Variants in FMN2 observed in about 807,000 individuals in gnomAD.
FMN2 encodes the protein formin-2.
Under a neutral mutation model 142.3 loss-of-function variants are expected in FMN2, and 51 were observed. The ratio of observed to expected loss-of-function variants is 0.36; its 90% CI spans 0.29 to 0.45. FMN2 has a LOEUF of 0.45. Among genes scored for constraint, FMN2 ranks in the 20% least tolerant of loss-of-function variants. The probability of loss-of-function intolerance (pLI) is 1.00; values close to 1 mark genes in which losing one functional copy is unlikely to be tolerated. For synonymous variants in FMN2, 882 were observed against 869.8 expected (o/e 1.01, Z -0.25); for missense variants, 1,936 against 2,122.8 (o/e 0.91, Z 1.73).
intron 4 of FMN2, among the ~76,000 whole-genome samples, chr1:240,195,450 A>G (rs943716184): frequency 2.1e-4 from 32 of 152,256 alleles, no homozygotes; most frequent in African/African-American, 7.7e-4. Flanking sequence ...TGGCAAAAAC[A>G]CATGTCAGAT....
chr1:240,213,483 C>T (rs947471787), intron 6 of FMN2, among the ~76,000 whole-genome samples: 1 of 152,186 alleles, frequency 6.6e-6, no homozygotes, highest in Non-Finnish European at 1.5e-5. Flanking sequence ...TTTTATTTAA[C>T]TTCATTGTAT....
chr1:240,333,857 A>G, intron 11 of FMN2, 30 bp from the exon 12 acceptor site: 4 of 1,549,994 alleles, frequency 2.6e-6, no homozygotes, highest in Admixed American at 1.9e-5. Flanking sequence ...TAAAAAATAT[A>G]TTGTCACTGA....
intron 1 of FMN2, among the ~76,000 whole-genome samples, chr1:240,104,070 A>G (rs1014639937): frequency 3.3e-5 from 5 of 151,100 alleles, no homozygotes; most frequent in African/African-American, 7.3e-5. Context: ...AGTAGAGACG[A>G]GGTTTCACCG....
chr1:240,451,536 T>C (rs1676045263), intron 16 of FMN2, among the ~76,000 whole-genome samples: 1 of 152,004 alleles, frequency 6.6e-6, no homozygotes, highest in Admixed American at 6.6e-5. Flanking sequence ...AATGAGATGA[T>C]TGGCGTGTTC....
intron 14 of FMN2, among the ~76,000 whole-genome samples, chr1:240,381,472 C>CTGG (rs1249966148): frequency 7.9e-5 from 12 of 152,182 alleles, no homozygotes; most frequent in Non-Finnish European, 1.3e-4. Context: ...CTCTGTCACC[C>CTGG]AGGCTGGAGT....
intron 6 of FMN2, among the ~76,000 whole-genome samples, chr1:240,235,380 C>T (rs1667668576): frequency 6.6e-6 from 1 of 151,430 alleles, no homozygotes; most frequent in South Asian, 2.1e-4. Flanking sequence ...TTATTTGGAT[C>T]AGATTTTGAT....
intron 5 of FMN2, among the ~76,000 whole-genome samples, chr1:240,209,379 T>G (rs1666588963): frequency 6.6e-6 from 1 of 151,048 alleles, no homozygotes; most frequent in African/African-American, 2.4e-5. Context: ...GCCTCCCGAG[T>G]AGCTGGGACT....
intron 14 of FMN2, among the ~76,000 whole-genome samples, chr1:240,376,984 TGTC>T (rs1673069098): frequency 6.6e-6 from 1 of 152,192 alleles, no homozygotes; most frequent in Non-Finnish European, 1.5e-5. Flanking sequence ...GTGCTATTGT[TGTC>T]ATATATTTTA....
chr1:240,280,694 A>T (rs1050180934), intron 7 of FMN2, among the ~76,000 whole-genome samples: 3 of 152,168 alleles, frequency 2.0e-5, no homozygotes, highest in African/African-American at 7.2e-5. Context: ...CATAAAGTAC[A>T]GTGCGTTGTT....
intron 14 of FMN2, among the ~76,000 whole-genome samples, chr1:240,358,701 C>T (rs1287429888): frequency 6.6e-6 from 1 of 152,118 alleles, no homozygotes; most frequent in Middle Eastern, 3.2e-3. Flanking sequence ...CACTCCCTAT[C>T]ATAAGAACGG....
At chr1:240,431,402 TTATA>T (rs35500291) in intron 15 of FMN2, among the ~76,000 whole-genome samples, 44 of 138,972 alleles carry the variant, frequency 3.2e-4, no homozygotes, top group South Asian at 6.6e-4. Context: ...CAACCATGTT[TTATA>T]TATATATATA....
rs142232671 is a variant in FMN2, at chr1:240,263,079, C to T, written c.4153+5047C>T. On this transcript the variant is annotated intron_variant, in intron 7 of 17. Coordinates refer to ENST00000319653, the MANE Select transcript of FMN2 (RefSeq NM_020066.5). ...CATCCCCAAGAACTTTTCAGATAAGCTAGTAGTATTGTCACCCTACTACCA... is the reference window on the plus strand; with the variant it reads ...CATCCCCAAGAACTTTTCAGATAAGTTAGTAGTATTGTCACCCTACTACCA... 3.1e-3 allele frequency among the ~76,000 whole-genome samples: 479 copies of T among 152,256 alleles called. 3 individuals carry two copies. The highest frequency in any genetic ancestry group is 9.3e-3 in the African/African-American group (385 of 41,544).
rs1672711949 is a variant in FMN2, at chr1:240,367,496, GCAGT to G, written c.4858+11589_4858+11592del. Among the ~76,000 whole-genome samples the G allele has an allele frequency of 2.6e-5, 4 of 152,112 alleles. No individual in the cohort carries two copies. The South Asian group carries it at 8.3e-4, about 32-fold the overall frequency. On this transcript the variant is annotated intron_variant, in intron 14 of 17. Coordinates refer to ENST00000319653, the MANE Select transcript of FMN2 (RefSeq NM_020066.5). ...CCTTATTTAAGAAATCCGGCGGGGG[GCAGT>G]GGCTCACGCCTGTAATCCCAGCACT...
intron 4 of FMN2, among the ~76,000 whole-genome samples, chr1:240,195,366 C>G (rs180751672): frequency 2.0e-5 from 3 of 152,120 alleles, no homozygotes; most frequent in Admixed American, 2.0e-4. Context: ...TTTTACTGTT[C>G]GAAATTGCCT....
intron 6 of FMN2, among the ~76,000 whole-genome samples, chr1:240,253,921 C>T (rs949048702): frequency 3.9e-5 from 6 of 152,018 alleles, no homozygotes; most frequent in Non-Finnish European, 8.8e-5. Flanking sequence ...TAGTGGAGGT[C>T]ATGGTAAAGT....
chr1:240,239,878 C>T (rs2102865378), intron 6 of FMN2, among the ~76,000 whole-genome samples: 1 of 152,248 alleles, frequency 6.6e-6, no homozygotes, highest in East Asian at 1.9e-4. Flanking sequence ...TCAAACTTTT[C>T]ATCTAAATTT....
rs1237057701 is a variant in FMN2, at chr1:240,092,496, C to T, written c.387C>T (p.Gly129=). 3 of 1,607,090 alleles carry T rather than the reference C, an allele frequency of 1.9e-6. No homozygotes were observed. The highest frequency in any genetic ancestry group is 2.5e-6 in the Non-Finnish European group (3 of 1,176,986). ...PDLSLSADEA[G]LSDTECADPF... Reference sequence around the variant, plus strand: ...TCAGCCTCTCGGCGGACGAGGCCGGCCTGTCGGATACCGAGTGTGCGGACC... The same window carrying T: ...TCAGCCTCTCGGCGGACGAGGCCGGTCTGTCGGATACCGAGTGTGCGGACC... The change falls in exon 1 of 18, where the codon GGC becomes GGT. Residue 129 remains glycine, a synonymous_variant. Coordinates refer to ENST00000319653, the MANE Select transcript of FMN2 (RefSeq NM_020066.5).
intron 2 of FMN2, among the ~76,000 whole-genome samples, chr1:240,160,658 T>C (rs1664239554): frequency 6.6e-6 from 1 of 151,958 alleles, no homozygotes; most frequent in African/African-American, 2.4e-5. Context: ...CAAATATCAT[T>C]AGATGGTGAA....
At chr1:240,324,246 A>G (rs922111953) in intron 8 of FMN2, among the ~76,000 whole-genome samples, 1 of 152,194 alleles carries the variant, frequency 6.6e-6, no homozygotes, top group Non-Finnish European at 1.5e-5. Flanking sequence ...ATTGATTTAT[A>G]CACTATTCTG....
Sources: allele counts gnomAD v4.1 joint callset (sites outside exome capture counted in the v4.1 genomes callset), GRCh38; gene constraint gnomAD v4.1.1; transcripts MANE v1.5; gene names NCBI Gene and HGNC (gene_info 2026-07-23, HGNC 2026-07-21).